Variants in PAPSS1 observed in about 807,000 individuals in gnomAD.
PAPSS1 encodes the protein bifunctional 3'-phosphoadenosine 5'-phosphosulfate synthase 1.
A neutral mutation model predicts 72.0 loss-of-function variants in PAPSS1; 50 were observed. The ratio of observed to expected loss-of-function variants is 0.69; its 90% CI spans 0.55 to 0.88. PAPSS1 has a LOEUF of 0.88. Among genes scored for constraint, PAPSS1 ranks in the 40% least tolerant of loss-of-function variants. The pLI, the probability that PAPSS1 is intolerant of heterozygous loss-of-function variation, is 0.00. For missense variants in PAPSS1, 657 were observed against 782.2 expected (o/e 0.84, Z 1.91); for synonymous variants, 261 against 263.6 (o/e 0.99, Z 0.09).
In PAPSS1 at chr4:107,619,724, T is replaced by G. The variant is rs548148156; in HGVS notation, c.1737-5337A>C. 3.3e-5 allele frequency among the ~76,000 whole-genome samples: 5 copies of G among 152,344 alleles called. No homozygotes were observed. In the South Asian group the frequency reaches 6.2e-4, roughly 19 times the overall value. On this transcript the variant is annotated intron_variant, in intron 11 of 11. Transcript: ENST00000265174. ...TAAATTCTAATTTGGGCCATTTCACTACATTAGTTAACCAATCTTCTATGG... is the reference window on the plus strand; with the variant it reads ...TAAATTCTAATTTGGGCCATTTCACGACATTAGTTAACCAATCTTCTATGG...
chr4:107,653,062 T>TATATATGTGAATACATATATGA (rs1726893176), intron 9 of PAPSS1, among the ~76,000 whole-genome samples: 3 of 150,162 alleles, frequency 2.0e-5, no homozygotes, highest in African/African-American at 7.3e-5. Context: ...TATATATGAA[T>TATATATGTGAATACATATATGA]ATATATATGA....
chr4:107,634,025 T>G (rs754161015), intron 10 of PAPSS1, among the ~76,000 whole-genome samples: 1 of 152,036 alleles, frequency 6.6e-6, no homozygotes, highest in Non-Finnish European at 1.5e-5. Context: ...AATAGTCTGT[T>G]TATTGGTTTT....
chr4:107,677,667 C>A (rs1279501283), intron 5 of PAPSS1, among the ~76,000 whole-genome samples: 1 of 152,146 alleles, frequency 6.6e-6, no homozygotes, highest in Non-Finnish European at 1.5e-5. Flanking sequence ...ACCATTGGAC[C>A]CAACAATCCC....
At chr4:107,621,839 A>G (rs1256558952) in intron 11 of PAPSS1, among the ~76,000 whole-genome samples, 1 of 151,464 alleles carries the variant, frequency 6.6e-6, no homozygotes, top group South Asian at 2.1e-4. Context: ...CGTGTTAGCC[A>G]GGATGGTCTT....
At chr4:107,629,810 T>C (rs1726185873) in intron 11 of PAPSS1, among the ~76,000 whole-genome samples, 1 of 152,196 alleles carries the variant, frequency 6.6e-6, no homozygotes, top group Admixed American at 6.5e-5. Flanking sequence ...CATCTACTTA[T>C]TATGAGAATG....
chr4:107,712,662 C>T (rs1448609659), intron 1 of PAPSS1, among the ~76,000 whole-genome samples: 1 of 152,022 alleles, frequency 6.6e-6, no homozygotes, highest in Non-Finnish European at 1.5e-5. Flanking sequence ...ATCATGAGGT[C>T]AAGAGATCGA....
At chr4:107,626,905 T>C (rs1262583572) in intron 11 of PAPSS1, among the ~76,000 whole-genome samples, 1 of 152,202 alleles carries the variant, frequency 6.6e-6, no homozygotes, top group Non-Finnish European at 1.5e-5. Context: ...TCCCCAGTTA[T>C]TACTTATTAA....
At position 107,682,051 on chromosome 4, in the gene PAPSS1, G is replaced by A; in HGVS notation, c.633C>T (p.Asp211=). ...GAAGTTCCACAACTTGCTGGACACA[G>A]TCATTTACATCACAGGAGTCTGTTT... ...VLKTDSCDVN[D]CVQQVVELLQ... Residue 211 remains aspartate (D), a synonymous_variant, in exon 5 of 12, where the codon GAC becomes GAT. Coordinates refer to ENST00000265174, the MANE Select transcript of PAPSS1 (RefSeq NM_005443.5). The A allele has an allele frequency of 6.2e-7, 1 of 1,606,056 alleles. No homozygotes were observed. Among genetic ancestry groups the A allele is most frequent in the Non-Finnish European group, 8.5e-7 (1 of 1,173,722 alleles).
chr4:107,689,765 C>T (rs763705654), intron 3 of PAPSS1, among the ~76,000 whole-genome samples: 1 of 152,108 alleles, frequency 6.6e-6, no homozygotes, highest in Non-Finnish European at 1.5e-5. Context: ...AACTCTAAAA[C>T]CAATTTCCTA....
At chr4:107,650,598 A>C (rs1726812259) in intron 9 of PAPSS1, among the ~76,000 whole-genome samples, 1 of 152,212 alleles carries the variant, frequency 6.6e-6, no homozygotes, top group Non-Finnish European at 1.5e-5. Flanking sequence ...TCTGTTCACC[A>C]GCAGAAAAGG....
chr4:107,638,660 T>C (rs770422708), intron 10 of PAPSS1, among the ~76,000 whole-genome samples: 17 of 151,366 alleles, frequency 1.1e-4, no homozygotes, highest in Non-Finnish European at 1.6e-4. Flanking sequence ...GCCCTCCCAC[T>C]GATTATTATT....
intron 9 of PAPSS1, among the ~76,000 whole-genome samples, chr4:107,646,509 G>A (rs1417114524): frequency 1.3e-5 from 2 of 151,988 alleles, no homozygotes; most frequent in Non-Finnish European, 2.9e-5. Context: ...TTGGCAAATG[G>A]CAGCTTTTAG....
At chr4:107,669,471 A>C (rs2110328831) in intron 5 of PAPSS1, among the ~76,000 whole-genome samples, 1 of 152,374 alleles carries the variant, frequency 6.6e-6, no homozygotes, top group South Asian at 2.1e-4. Flanking sequence ...TATACACTAT[A>C]AACAAAATAA....
intron 3 of PAPSS1, among the ~76,000 whole-genome samples, chr4:107,691,109 A>G (rs758355367): frequency 2.0e-5 from 3 of 152,154 alleles, no homozygotes; most frequent in Non-Finnish European, 4.4e-5. Flanking sequence ...CCATGGTTCA[A>G]TTAAGTGAAC....
intron 11 of PAPSS1, among the ~76,000 whole-genome samples, chr4:107,617,277 A>T (rs1442556771): frequency 7.3e-6 from 1 of 137,332 alleles, no homozygotes; most frequent in Non-Finnish European, 1.5e-5. Context: ...CTGCCTGACC[A>T]CTGCTGTCAG....
At chr4:107,704,402 G>A (rs1202213003) in intron 1 of PAPSS1, among the ~76,000 whole-genome samples, 1 of 152,160 alleles carries the variant, frequency 6.6e-6, no homozygotes, top group East Asian at 1.9e-4. Flanking sequence ...GTAAGAGTGG[G>A]CACCCTTGTT....
At chr4:107,659,863 C>T (rs1727124932) in intron 6 of PAPSS1, 96 bp downstream of exon 6, 2 of 650,784 alleles carry the variant, frequency 3.1e-6, no homozygotes, top group Admixed American at 3.3e-5. Flanking sequence ...CAGCTAATAC[C>T]ACCCCTGGCC....
intron 4 of PAPSS1, among the ~76,000 whole-genome samples, chr4:107,686,477 T>C (rs1464988401): frequency 6.6e-6 from 1 of 152,208 alleles, no homozygotes; most frequent in East Asian, 1.9e-4. Flanking sequence ...ATATATGCAA[T>C]TCACGGTTGG....
intron 8 of PAPSS1, 29 bp downstream of exon 8, chr4:107,654,666 G>A: frequency 6.4e-7 from 1 of 1,562,668 alleles, no homozygotes; most frequent in Non-Finnish European, 8.8e-7. Flanking sequence ...GGCAAATCAA[G>A]ATAAAATGCA....
Sources: gnomAD v4.1 joint callset for allele counts (sites outside exome capture counted in the v4.1 genomes callset) on GRCh38, gnomAD v4.1.1 for gene constraint, MANE v1.5 for transcripts, NCBI Gene and HGNC (gene_info 2026-07-23, HGNC 2026-07-21) for gene names.